GALNT15: variants seen among roughly 807,000 people sequenced by gnomAD.
GALNT15 encodes the protein UDP-GalNAc transferase T15.
GALNT15 carries 67 observed loss-of-function variants against 66.8 expected under a neutral mutation model. The ratio of observed to expected loss-of-function variants is 1.00; its 90% CI spans 0.82 to 1.23. The LOEUF is 1.23. Ranked by LOEUF, GALNT15 falls within the 50% of genes most tolerant of loss-of-function variation. The pLI is 0.00. For synonymous variants in GALNT15, 313 were observed against 311.5 expected, an observed-to-expected ratio of 1.00 and a Z score of -0.05; for missense variants, 827 against 804.3, an observed-to-expected ratio of 1.03 and a Z score of -0.34.
rs540396167 is a variant in GALNT15 at position 16,208,668 on chromosome 3, C to T, written c.1077C>T (p.Ile359=). The T allele has an allele frequency of 1.2e-6, 2 of 1,613,384 alleles. No homozygotes were observed. Among genetic ancestry groups the T allele is most frequent in the South Asian group, 2.2e-5 (2 of 90,978 alleles). The part of the protein sequence containing the change: ...RKALQSPISP[I]RSPVVPGEVV... ...CCCTCCAGTCCCCCATAAGCCCCAT[C>T]AGGTGAGTCCCCATTTCACACCTGC... The change falls in exon 4 of 10, where the codon ATC becomes ATT. Residue 359 remains isoleucine (I), a splice_region_variant and synonymous_variant. Coordinates refer to ENST00000339732, the MANE Select transcript of GALNT15 (RefSeq NM_054110.5).
Position 16,195,618 on chromosome 3 carries a change from T to G in GALNT15, c.540-142T>G, listed in dbSNP as rs1414111575. On this transcript the variant is annotated intron_variant, in intron 1 of 9. Coordinates refer to ENST00000339732, the MANE Select transcript of GALNT15 (RefSeq NM_054110.5). This position sits in a 1 kb window ranked among gnomAD's most constrained non-coding sequence, Gnocchi z 4.6. ...ACTATGAGGCGTAACAGGTTCTTTT[T>G]ATATGGGAATTTTAAGAGATCCCAT... 3.4e-6 allele frequency: 2 copies of G among 594,550 alleles called. No homozygotes were observed. The highest frequency in any genetic ancestry group is 5.7e-6 in the Non-Finnish European group (2 of 352,840). 36.8% of individuals were successfully genotyped at this position (594,550 alleles called of 1,614,324 possible).
In GALNT15 at chr3:16,200,903, C is replaced by G. The variant is rs531075179; in HGVS notation, c.911+80C>G. The stretch of plus-strand genomic sequence containing the variant: ...ACAGCATCAGCCACTCACAGAGCAA[C>G]CCACCTATTAATTCCTGAATCTCCA... On this transcript the variant is annotated intron_variant, in intron 3 of 9. Transcript: ENST00000339732. The surrounding 1 kb of genome is among the most constrained non-coding windows in gnomAD (Gnocchi z 4.4). 13 of 1,072,400 alleles carry G rather than the reference C, an allele frequency of 1.2e-5. No individual in the cohort carries two copies. The highest frequency in any genetic ancestry group is 1.6e-5 in the Non-Finnish European group (12 of 756,642). The allele number at this position is 1,072,400 out of a possible 1,614,324, so 66.4% of individuals were successfully genotyped here. A position where few individuals can be genotyped will look rare whatever the true frequency, so the allele number is the denominator to read the frequency against.
intron 9 of GALNT15, among the ~76,000 whole-genome samples, chr3:16,223,635 G>C (rs1185092090): frequency 6.6e-6 from 1 of 151,680 alleles, no homozygotes; most frequent in Non-Finnish European, 1.5e-5. Context: ...AGCATTTGGG[G>C]CTTTGGTGAC....
intron 8 of GALNT15, 75 bp downstream of exon 8, chr3:16,220,089 C>T (rs2063926875): frequency 5.5e-6 from 6 of 1,092,518 alleles, no homozygotes; most frequent in Non-Finnish European, 8.5e-6. Context: ...TCTGGGATGC[C>T]CCATACTTCC....
intron 1 of GALNT15, among the ~76,000 whole-genome samples, chr3:16,178,995 C>A (rs558968626): frequency 1.3e-5 from 2 of 152,258 alleles, no homozygotes; most frequent in African/African-American, 2.4e-5. Flanking sequence ...CCTGCCCAGG[C>A]CACAGGCCTT....
chr3:16,184,859 G>C lies in GALNT15; in HGVS notation c.539+9169G>C, dbSNP rs536621566. ...CGCTTCCTACCCTCTGCCCTTAGGG[G>C]TGAGGGTGCTGGGTGTTTAATAAAC... On this transcript the variant is annotated intron_variant, in intron 1 of 9. Coordinates refer to ENST00000339732, the MANE Select transcript of GALNT15 (RefSeq NM_054110.5). This position sits in a 1 kb window ranked among gnomAD's most constrained non-coding sequence, Gnocchi z 5.0. 6.6e-5 allele frequency among the ~76,000 whole-genome samples: 10 copies of C among 152,328 alleles called. No individual in the cohort carries two copies. The South Asian group carries it at 2.1e-3, about 32-fold the overall frequency.
chr3:16,234,727 A>C (rs765156590), downstream of GALNT15, among the ~76,000 whole-genome samples: 3 of 152,212 alleles, frequency 2.0e-5, no homozygotes, highest in Non-Finnish European at 2.9e-5. Flanking sequence ...AAAAGCTTGC[A>C]TCTCTAAGAG....
At position 16,200,225 on chromosome 3, in the gene GALNT15, C is replaced by T. The variant is rs2063684526; in HGVS notation, c.707-394C>T. ...GGGGAAACTGCCCACATGATCCAAT[C>T]ACCTCCCACCAGGTCCCTCCCTCGC... On this transcript the variant is annotated intron_variant, in intron 2 of 9. Coordinates refer to ENST00000339732, the MANE Select transcript of GALNT15 (RefSeq NM_054110.5). This position sits in a 1 kb window ranked among gnomAD's most constrained non-coding sequence, Gnocchi z 4.4. 6.6e-6 allele frequency among the ~76,000 whole-genome samples: 1 copy of T among 152,152 alleles called. No homozygotes were observed. Among genetic ancestry groups the T allele is most frequent in the Non-Finnish European group, 1.5e-5 (1 of 68,026 alleles).
chr3:16,233,357 A>G (rs1333991766), downstream of GALNT15, among the ~76,000 whole-genome samples: 1 of 151,876 alleles, frequency 6.6e-6, no homozygotes. Flanking sequence ...AGCCTCCCAA[A>G]GTGTTAGGAT....
chr3:16,222,463 G>A (rs879857985), intron 8 of GALNT15, 152 bp from the exon 9 acceptor site: 11 of 850,084 alleles, frequency 1.3e-5, no homozygotes, highest in Non-Finnish European at 1.9e-5. Flanking sequence ...GCATGTTTTT[G>A]GACTTGACCA....
chr3:16,189,788 G>A lies in GALNT15; in HGVS notation c.540-5972G>A, dbSNP rs34964550. ...GTCCTTCCAACAACCTCATTTTACT[G>A]ATGAGCAACATGAGTTTAAGTAAAT... On this transcript the variant is annotated intron_variant, in intron 1 of 9. Transcript: ENST00000339732. This position sits in a 1 kb window ranked among gnomAD's most constrained non-coding sequence, Gnocchi z 5.1. Among the ~76,000 whole-genome samples, 6,104 of 152,282 alleles carry A rather than the reference G, an allele frequency of 0.04. 145 individuals are homozygous for A. Among genetic ancestry groups the A allele is most frequent in the Middle Eastern group, 0.085 (25 of 294 alleles).
rs2063599875 is a variant in GALNT15, at chr3:16,193,362, TCTTC to T, written c.540-2394_540-2391del. Among the ~76,000 whole-genome samples the T allele has an allele frequency of 1.3e-5, 2 of 152,236 alleles. No individual in the cohort carries two copies. The highest frequency in any genetic ancestry group is 4.1e-4 in the South Asian group (2 of 4,834). On this transcript the variant is annotated intron_variant, in intron 1 of 9. Coordinates refer to ENST00000339732, the MANE Select transcript of GALNT15 (RefSeq NM_054110.5). This position sits in a 1 kb window ranked among gnomAD's most constrained non-coding sequence, Gnocchi z 4.7. Reference sequence around the variant, plus strand: ...CTTATATTCCTCAGCTCCTGACTTTTCTTCCTTATTTTTATTTTACCATCATTTT... The same window carrying T: ...CTTATATTCCTCAGCTCCTGACTTTTCTTATTTTTATTTTACCATCATTTT...
downstream of GALNT15, among the ~76,000 whole-genome samples, chr3:16,232,451 A>AAAATAAATAAATAAATAAAT (rs1194898714): frequency 4.1e-4 from 28 of 67,714 alleles, 1 homozygote; most frequent in African/African-American, 1.4e-3. Context: ...GCCTGGCCTC[A>AAAATAAATAAATAAATAAAT]AAATAAATAA....
At position 16,212,753 on chromosome 3, in the gene GALNT15, C is replaced by T. The variant is rs201126149; in HGVS notation, c.1382C>T (p.Ser461Phe). The stretch of plus-strand genomic sequence containing the variant: ...TACAAGCATAGCCCAGAGGCCTTCT[C>T]CTTGAGCAAGGTAAGGAGAGAGCCA... ...TFYKHSPEAF[S>F]LSKAEKPDCM... Residue 461 changes from serine (S) to phenylalanine (F), a missense_variant, in exon 6 of 10, where the codon TCC (serine) becomes TTC (phenylalanine). Transcript: ENST00000339732. 3 of 1,613,126 alleles carry T rather than the reference C, an allele frequency of 1.9e-6. No homozygotes were observed. The highest frequency in any genetic ancestry group is 2.5e-6 in the Non-Finnish European group (3 of 1,179,940).
chr3:16,227,988 ATGT>A lies in GALNT15; in HGVS notation c.*492_*494del, dbSNP rs1463900450. 7.1e-6 allele frequency: 7 copies of A among 991,184 alleles called. No homozygotes were observed. The East Asian group carries it at 6.7e-4, about 95-fold the overall frequency. The allele number at this position is 991,184 out of a possible 1,614,324, so 61.4% of individuals were successfully genotyped here. Reference sequence around the variant, plus strand: ...CTCTGAATTGGGTTTATTAGCACAAATGTTGTGTTCATTTGTTGAGCCATATCT... The same window carrying A: ...CTCTGAATTGGGTTTATTAGCACAAATGTGTTCATTTGTTGAGCCATATCT... On this transcript the variant is annotated 3_prime_UTR_variant, in exon 10 of 10. Transcript: ENST00000339732. This position sits in a 1 kb window ranked among gnomAD's most constrained non-coding sequence, Gnocchi z 4.5.
intron 4 of GALNT15, among the ~76,000 whole-genome samples, chr3:16,210,795 C>A (rs1459208131): frequency 6.6e-6 from 1 of 152,148 alleles, no homozygotes; most frequent in Non-Finnish European, 1.5e-5. Context: ...TGATTTTAAG[C>A]AAGGCCTTCT....
At position 16,189,489 on chromosome 3, in the gene GALNT15, GA is replaced by G. The variant is rs1453034640; in HGVS notation, c.540-6270del. ...TGCTATGTTGAAGGACATCCTCAGA[GA>G]CATGTTCAGACAATACCAGAAGCCA... On this transcript the variant is annotated intron_variant, in intron 1 of 9. Transcript: ENST00000339732. This position sits in a 1 kb window ranked among gnomAD's most constrained non-coding sequence, Gnocchi z 5.1. Among the ~76,000 whole-genome samples the G allele has an allele frequency of 6.6e-6, 1 of 152,208 alleles. No individual in the cohort carries two copies. Among genetic ancestry groups the G allele is most frequent in the African/African-American group, 2.4e-5 (1 of 41,442 alleles).
intron 3 of GALNT15, among the ~76,000 whole-genome samples, chr3:16,202,415 C>T (rs2063713312): frequency 6.6e-6 from 1 of 152,114 alleles, no homozygotes; most frequent in Non-Finnish European, 1.5e-5. Context: ...GACGGATCAC[C>T]TGAGGTCAGG....
At chr3:16,215,956 C>T (rs1271224888) in intron 6 of GALNT15, among the ~76,000 whole-genome samples, 1 of 147,986 alleles carries the variant, frequency 6.8e-6, no homozygotes, top group Non-Finnish European at 1.5e-5. Flanking sequence ...AGAAGGCGCT[C>T]AATAAATGTT....
Sources: gnomAD v4.1 joint callset for allele counts (sites outside exome capture counted in the v4.1 genomes callset) on GRCh38, gnomAD v4.1.1 for gene constraint, Gnocchi (gnomAD v3.1) non-coding constraint, MANE v1.5 for transcripts, NCBI Gene and HGNC (gene_info 2026-07-23, HGNC 2026-07-21) for gene names.